The following GLCCI1 variants were observed in gnomAD, a reference collection of about 807,000 sequenced individuals.
GLCCI1 encodes glucocorticoid-induced transcript 1 protein.
In GLCCI1, 24 loss-of-function variants were observed where a neutral mutation model predicts 52.2. That is an observed-to-expected ratio of 0.46 (90% CI 0.33 to 0.65). The LOEUF (loss-of-function observed/expected upper bound fraction) is 0.65. Among genes scored for constraint, GLCCI1 ranks in the 30% least tolerant of loss-of-function variants. GLCCI1 has a pLI of 0.02. For synonymous variants in GLCCI1, 310 were observed against 276.5 expected, an observed-to-expected ratio of 1.12 and a Z score of -1.20; for missense variants, 704 against 701.5, an observed-to-expected ratio of 1.00 and a Z score of -0.04.
chr7:8,057,300 A>G (rs1782419656), intron 4 of GLCCI1, among the ~76,000 whole-genome samples: 1 of 152,196 alleles, frequency 6.6e-6, no homozygotes, highest in Non-Finnish European at 1.5e-5. Context: ...GGAAATAGAC[A>G]AACATCCGTC....
At chr7:8,004,098 C>A in intron 2 of GLCCI1, 39 bp downstream of exon 2, 1 of 1,568,992 alleles carries the variant, frequency 6.4e-7, no homozygotes, top group South Asian at 1.2e-5. Context: ...TTACCCTGCA[C>A]TTCTTCTGTT....
intron 3 of GLCCI1, among the ~76,000 whole-genome samples, chr7:8,031,525 G>A (rs899522581): frequency 2.0e-5 from 3 of 151,950 alleles, no homozygotes; most frequent in East Asian, 1.9e-4. Context: ...TTCATTATTC[G>A]TTTAAAAGTA....
chr7:8,005,674 G>C (rs976976191), intron 2 of GLCCI1, among the ~76,000 whole-genome samples: 4 of 152,154 alleles, frequency 2.6e-5, no homozygotes, highest in African/African-American at 9.7e-5. Flanking sequence ...TATGTACCTA[G>C]TGCTGTGACA....
intron 1 of GLCCI1, among the ~76,000 whole-genome samples, chr7:7,978,789 A>G (rs1780550441): frequency 6.6e-6 from 1 of 152,146 alleles, no homozygotes; most frequent in South Asian, 2.1e-4. Flanking sequence ...AAACAGTAGG[A>G]CTCAGTGGCT....
intron 3 of GLCCI1, among the ~76,000 whole-genome samples, chr7:8,032,095 T>G (rs1398340129): frequency 6.6e-6 from 1 of 152,040 alleles, no homozygotes; most frequent in Non-Finnish European, 1.5e-5. Context: ...CTGACATGCA[T>G]AGATGGAAAA....
Position 8,087,831 on chromosome 7 carries a change from T to G in GLCCI1, c.*1293T>G, listed in dbSNP as rs1483304665. ...GAGTAGTTTTGAAATTTGCAACCTG[T>G]GAGGTAGAGCATAAACTCAAGAAAA... On this transcript the variant is annotated 3_prime_UTR_variant, in exon 8 of 8. Transcript: ENST00000223145. 6.6e-6 allele frequency: 1 copy of G among 152,572 alleles called. No homozygotes were observed. The highest frequency in any genetic ancestry group is 1.5e-5 in the Non-Finnish European group (1 of 68,012). 9.5% of individuals were successfully genotyped at this position (152,572 alleles called of 1,614,324 possible).
chr7:8,072,468 C>T (rs1782784665), intron 6 of GLCCI1, among the ~76,000 whole-genome samples: 1 of 152,078 alleles, frequency 6.6e-6, no homozygotes, highest in Admixed American at 6.5e-5. Context: ...GGGAAGTCTC[C>T]ATTTCTTAAA....
intron 1 of GLCCI1, chr7:7,982,055 AAG>A (rs1278665070): frequency 1.5e-5 from 7 of 468,966 alleles, no homozygotes; most frequent in Non-Finnish European, 3.0e-5. Flanking sequence ...AAAGAGTAAA[AAG>A]AGAGACCGAA....
intron 5 of GLCCI1, among the ~76,000 whole-genome samples, chr7:8,062,167 G>A (rs1405538569): frequency 8.5e-5 from 13 of 152,130 alleles, no homozygotes; most frequent in Non-Finnish European, 2.9e-5. Context: ...TTCAATTGTA[G>A]CCATATCAGA....
chr7:8,044,227 G>T (rs1019415397), intron 3 of GLCCI1, among the ~76,000 whole-genome samples: 1 of 152,164 alleles, frequency 6.6e-6, no homozygotes, highest in South Asian at 2.1e-4. Flanking sequence ...TTACAGACAT[G>T]AGCCACCGTG....
intron 5 of GLCCI1, among the ~76,000 whole-genome samples, chr7:8,066,145 A>C (rs889669335): frequency 2.6e-5 from 4 of 152,042 alleles, no homozygotes; most frequent in Admixed American, 2.6e-4. Context: ...TGTTTCCAGG[A>C]ATTTACCTGT....
intron 1 of GLCCI1, among the ~76,000 whole-genome samples, chr7:7,997,632 A>G (rs559828313): frequency 1.7e-3 from 262 of 152,272 alleles, no homozygotes; most frequent in Non-Finnish European, 3.2e-3. Context: ...AAGGTTTTAT[A>G]AAGTAGCTAT....
rs148958007 is a variant in GLCCI1, at chr7:8,071,042, A to T, written c.1088A>T (p.His363Leu). The T allele has an allele frequency of 9.3e-5, 150 of 1,614,080 alleles. No homozygotes were observed. The highest frequency in any genetic ancestry group is 1.2e-4 in the Non-Finnish European group (137 of 1,180,042). ...GAGCGCAGCAGTAGCTGCAGCAGTC[A>T]TTCACCCTGTGTCTCCCCTTTTTGT... ...VQERSSSCSS[H>L]SPCVSPFCPP... The change falls in exon 6 of 8, where the codon CAT (histidine) becomes CTT (leucine). Residue 363 changes from histidine to leucine, a missense_variant. Around this residue, in one of 3 missense-constraint regions of GLCCI1, gnomAD observed 547 missense variants for 524.8 expected, o/e 1.04. Transcript: ENST00000223145.
At chr7:8,077,424 A>G (rs1782897294) in intron 6 of GLCCI1, among the ~76,000 whole-genome samples, 1 of 152,194 alleles carries the variant, frequency 6.6e-6, no homozygotes, top group Non-Finnish European at 1.5e-5. Flanking sequence ...CACATCTCTA[A>G]TAAAGACACT....
chr7:8,000,559 T>C (rs1287822153), intron 1 of GLCCI1, among the ~76,000 whole-genome samples: 1 of 152,076 alleles, frequency 6.6e-6, no homozygotes, highest in Non-Finnish European at 1.5e-5. Context: ...ACCAGAAGGC[T>C]CGCTACAATG....
intron 6 of GLCCI1, among the ~76,000 whole-genome samples, chr7:8,073,488 T>A (rs1324380233): frequency 6.6e-6 from 1 of 152,164 alleles, no homozygotes; most frequent in Non-Finnish European, 1.5e-5. Flanking sequence ...AACACTAATT[T>A]CTTTATATTC....
chr7:8,074,914 A>G (rs1456973820), intron 6 of GLCCI1, among the ~76,000 whole-genome samples: 2 of 152,186 alleles, frequency 1.3e-5, no homozygotes, highest in African/African-American at 4.8e-5. Flanking sequence ...TGGTAGAGTA[A>G]CTAGTTCAGA....
intron 2 of GLCCI1, among the ~76,000 whole-genome samples, chr7:8,012,605 C>A (rs377649720): frequency 1.7e-4 from 26 of 151,394 alleles, no homozygotes; most frequent in Admixed American, 1.4e-3. Flanking sequence ...CCACCATGCC[C>A]GGCTAATTTT....
rs545378693 is a variant in GLCCI1 at position 8,037,329 on chromosome 7, C to G, written c.696+14760C>G. ...GTAAGTGAAGGGGAAATAGTATTTC[C>G]CAGACACGTGAATGCCAAAGGAATT... On this transcript the variant is annotated intron_variant, in intron 3 of 7. Coordinates refer to ENST00000223145, the MANE Select transcript of GLCCI1 (RefSeq NM_138426.4). Among the ~76,000 whole-genome samples, 4 of 152,216 alleles carry G rather than the reference C, an allele frequency of 2.6e-5. No homozygotes were observed. In the East Asian group the frequency reaches 7.7e-4, roughly 29 times the overall value.
Sources: allele counts gnomAD v4.1 joint callset (sites outside exome capture counted in the v4.1 genomes callset), GRCh38; gene constraint gnomAD v4.1.1; regional missense constraint gnomAD v4.1.1; transcripts MANE v1.5; gene names NCBI Gene and HGNC (gene_info 2026-07-23, HGNC 2026-07-21).